Variants in FGF12 observed in about 807,000 individuals in gnomAD.
FGF12 encodes the protein fibroblast growth factor 12, also known as fibroblast growth factor 12B.
A neutral mutation model predicts 23.6 loss-of-function variants in FGF12; 14 were observed. That is an observed-to-expected ratio of 0.59 (90% CI 0.39 to 0.93). The LOEUF (loss-of-function observed/expected upper bound fraction) is 0.93, where lower values mean the gene tolerates loss of function less well. Ranked by LOEUF, FGF12 falls within the 40% of genes least tolerant of loss-of-function variation. FGF12 has a pLI of 0.00. For missense variants in FGF12, 175 were observed against 217.8 expected (o/e 0.80, Z 1.24); for synonymous variants, 62 against 77.3 (o/e 0.80, Z 1.04).
At chr3:192,240,969 G>T (rs1010925795) in intron 4 of FGF12, among the ~76,000 whole-genome samples, 1 of 152,094 alleles carries the variant, frequency 6.6e-6, no homozygotes, top group Non-Finnish European at 1.5e-5. Context: ...GCTGACCTTA[G>T]ATATCTACAC....
intron 2 of FGF12, among the ~76,000 whole-genome samples, chr3:192,569,886 G>A (rs1712513688): frequency 6.6e-6 from 1 of 152,202 alleles, no homozygotes; most frequent in Non-Finnish European, 1.5e-5. Flanking sequence ...AGAAATATGT[G>A]TATAAAACAA....
At chr3:192,495,196 A>G (rs545591646) in intron 2 of FGF12, among the ~76,000 whole-genome samples, 1 of 152,314 alleles carries the variant, frequency 6.6e-6, no homozygotes, top group African/African-American at 2.4e-5. Context: ...GCCATAATCC[A>G]GAAATCATCC....
At chr3:192,645,573 A>G (rs1226593773) in intron 2 of FGF12, among the ~76,000 whole-genome samples, 1 of 152,058 alleles carries the variant, frequency 6.6e-6, no homozygotes, top group Non-Finnish European at 1.5e-5. Flanking sequence ...GAACATTCAC[A>G]TAGAGATGTC....
At chr3:192,695,629 T>A (rs34124332) in intron 2 of FGF12, among the ~76,000 whole-genome samples, 4,334 of 152,266 alleles carry the variant, frequency 0.028, 75 homozygotes, top group Middle Eastern at 0.082. Flanking sequence ...CTTTACTTAC[T>A]TAAGGAATTC....
At chr3:192,303,978 C>A (rs1381086031) in intron 4 of FGF12, among the ~76,000 whole-genome samples, 1 of 152,152 alleles carries the variant, frequency 6.6e-6, no homozygotes, top group East Asian at 1.9e-4. Flanking sequence ...TCCAGTAAGC[C>A]ATTTCATCTT....
Position 192,584,658 on chromosome 3 carries a change from AT to A in FGF12, c.13+142522del, listed in dbSNP as rs1427655768. Among the ~76,000 whole-genome samples, 56 of 152,138 alleles carry A rather than the reference AT, an allele frequency of 3.7e-4. 1 individual carries two copies. The highest frequency in any genetic ancestry group is 7.4e-5 in the Non-Finnish European group (5 of 68,024). ...CTTATCACCAGAGTTTGTAGACAAAATCTGATACTCCTGTCTCCTACCTTTC... is the reference window on the plus strand; with the variant it reads ...CTTATCACCAGAGTTTGTAGACAAAACTGATACTCCTGTCTCCTACCTTTC... On this transcript the variant is annotated intron_variant, in intron 2 of 5. Coordinates refer to ENST00000445105, the MANE Select transcript of FGF12 (RefSeq NM_004113.6).
At chr3:192,289,151 T>G (rs561206497) in intron 4 of FGF12, among the ~76,000 whole-genome samples, 1 of 152,242 alleles carries the variant, frequency 6.6e-6, no homozygotes, top group African/African-American at 2.4e-5. Context: ...GGAAATAGAT[T>G]TGGGGAAATA....
chr3:192,550,007 CCTCTGTCTCT>C (rs928181129), intron 2 of FGF12, among the ~76,000 whole-genome samples: 75 of 152,102 alleles, frequency 4.9e-4, no homozygotes, highest in African/African-American at 1.6e-3. Flanking sequence ...AAATCTCCTC[CCTCTGTCTCT>C]CTCTGTCTCT....
chr3:192,316,857 G>A (rs1433313386), intron 4 of FGF12, among the ~76,000 whole-genome samples: 1 of 152,186 alleles, frequency 6.6e-6, no homozygotes, highest in Non-Finnish European at 1.5e-5. Flanking sequence ...CTTAAGGAAA[G>A]AACAGGGGAG....
Position 192,727,338 on chromosome 3 carries a change from T to C in FGF12, c.-130-15A>G. The C allele has an allele frequency of 6.5e-7, 1 of 1,540,888 alleles. No individual in the cohort carries two copies. The highest frequency in any genetic ancestry group is 8.8e-7 in the Non-Finnish European group (1 of 1,142,684). ...CCTCAGGCTTCCTGAAAGATGGGAT[T>C]TCTTAAACCTTGAAGCTGCAATCAG... is the stretch of plus-strand genomic sequence containing the variant. On this transcript the variant is annotated splice_polypyrimidine_tract_variant and intron_variant, in intron 1 of 5. Coordinates refer to ENST00000445105, the MANE Select transcript of FGF12 (RefSeq NM_004113.6).
intron 2 of FGF12, among the ~76,000 whole-genome samples, chr3:192,492,721 A>G (rs1447146182): frequency 6.6e-6 from 1 of 152,214 alleles, no homozygotes; most frequent in Non-Finnish European, 1.5e-5. Flanking sequence ...TCACACCGAT[A>G]TAACACAATT....
At chr3:192,601,443 T>C (rs1714110832) in intron 2 of FGF12, among the ~76,000 whole-genome samples, 1 of 152,136 alleles carries the variant, frequency 6.6e-6, no homozygotes, top group Admixed American at 6.6e-5. Context: ...ATATTGAATG[T>C]TCCCAACACA....
chr3:192,683,935 A>G (rs1717636624), intron 2 of FGF12, among the ~76,000 whole-genome samples: 1 of 152,184 alleles, frequency 6.6e-6, no homozygotes, highest in African/African-American at 2.4e-5. Context: ...CCAGCAGAAG[A>G]AAGAATATCT....
At chr3:192,471,496 A>C (rs192402297) in intron 2 of FGF12, among the ~76,000 whole-genome samples, 27 of 152,370 alleles carry the variant, frequency 1.8e-4, no homozygotes, top group Admixed American at 1.8e-3. Context: ...TTACATTCAT[A>C]TACTTTTTAG....
chr3:192,288,309 C>T (rs892360658), intron 4 of FGF12, among the ~76,000 whole-genome samples: 1 of 152,198 alleles, frequency 6.6e-6, no homozygotes, highest in Non-Finnish European at 1.5e-5. Context: ...ACACTTAACA[C>T]AGACATCAAG....
At chr3:192,182,010 A>T (rs2108635139) in intron 4 of FGF12, among the ~76,000 whole-genome samples, 1 of 152,342 alleles carries the variant, frequency 6.6e-6, no homozygotes, top group Non-Finnish European at 1.5e-5. Flanking sequence ...AACAGCAGAA[A>T]AAATATAAAT....
intron 4 of FGF12, among the ~76,000 whole-genome samples, chr3:192,262,058 G>A (rs962972405): frequency 6.6e-6 from 1 of 152,122 alleles, no homozygotes; most frequent in African/African-American, 2.4e-5. Flanking sequence ...AAGAGAAAGG[G>A]AGACAGCAGG....
At chr3:192,282,821 G>C (rs1223872243) in intron 4 of FGF12, 1 of 152,144 alleles carries the variant, frequency 6.6e-6, no homozygotes, top group Non-Finnish European at 1.5e-5. Flanking sequence ...AAATTGCACA[G>C]AGAGTGCAGA....
At chr3:192,683,248 G>A (rs1200682861) in intron 2 of FGF12, among the ~76,000 whole-genome samples, 18 of 152,198 alleles carry the variant, frequency 1.2e-4, no homozygotes, top group Admixed American at 1.2e-3. Flanking sequence ...TGGGGATTGC[G>A]TCCTTAACCT....
Sources: allele counts gnomAD v4.1 joint callset (sites outside exome capture counted in the v4.1 genomes callset), GRCh38; gene constraint gnomAD v4.1.1; transcripts MANE v1.5; gene names NCBI Gene and HGNC (gene_info 2026-07-23, HGNC 2026-07-21).